SEC24B: variants seen among roughly 807,000 people sequenced by gnomAD.
The protein encoded by SEC24B is SEC24 homolog B, COPII component, also known as protein transport protein Sec24B.
In SEC24B, 45 loss-of-function variants were observed where a neutral mutation model predicts 142.8. That is an observed-to-expected ratio of 0.32 (90% CI 0.25 to 0.40). The LOEUF (loss-of-function observed/expected upper bound fraction) is 0.40, where lower values mean the gene tolerates loss of function less well. Ranked by LOEUF, SEC24B falls within the 10% of genes least tolerant of loss-of-function variation. SEC24B has a pLI of 1.00. For missense variants in SEC24B, 1,409 were observed against 1,526.8 expected (o/e 0.92, Z 1.29); for synonymous variants, 574 against 568.2 (o/e 1.01, Z -0.15).
At position 109,462,963 on chromosome 4, in the gene SEC24B, G is replaced by A; in HGVS notation, c.196G>A (p.Ala66Thr). The A allele has an allele frequency of 4.3e-6, 7 of 1,613,442 alleles. No individual in the cohort carries two copies. The highest frequency in any genetic ancestry group is 5.9e-6 in the Non-Finnish European group (7 of 1,180,012). Residue 66 changes from alanine (A) to threonine (T), a missense_variant, in exon 2 of 24, where the codon GCT becomes ACT. Ala to Thr is a moderately conservative substitution (Grantham distance 58). This residue lies in a region of SEC24B where 709 missense variants were observed against 673.5 expected (regional missense o/e 1.05). Coordinates refer to ENST00000265175, the MANE Select transcript of SEC24B (RefSeq NM_006323.5). The stretch of plus-strand genomic sequence containing the variant: ...TGGATTGCATCATCAAAACTATATT[G>A]CTCCCTCAGGACATTACTCTCAAGG... The part of the protein sequence containing the change: ...GYGLHHQNYI[A>T]PSGHYSQGPG...
At chr4:109,530,895 C>CAAAAAAAAAAA (rs35997146) in intron 19 of SEC24B, among the ~76,000 whole-genome samples, 14 of 46,332 alleles carry the variant, frequency 3.0e-4, no homozygotes, top group Admixed American at 5.6e-4. Flanking sequence ...GACTCCGTCT[C>CAAAAAAAAAAA]AAAAAAAAAA....
chr4:109,483,008 T>TCACACACACACACAC, intron 4 of SEC24B, among the ~76,000 whole-genome samples: 1 of 82,894 alleles, frequency 1.2e-5, no homozygotes, highest in Non-Finnish European at 2.3e-5. Flanking sequence ...ACACACATAT[T>TCACACACACACACAC]ATACATATGT....
chr4:109,470,056 A>T (rs1430686612), intron 2 of SEC24B, among the ~76,000 whole-genome samples: 1 of 152,252 alleles, frequency 6.6e-6, no homozygotes, highest in African/African-American at 2.4e-5. Flanking sequence ...ATATCATCTT[A>T]TACCTACTAA....
intron 1 of SEC24B, among the ~76,000 whole-genome samples, chr4:109,434,406 G>A (rs895869223): frequency 6.6e-6 from 1 of 152,208 alleles, no homozygotes; most frequent in African/African-American, 2.4e-5. Flanking sequence ...GGCTGCGAGA[G>A]CTGGCCAGAA....
chr4:109,490,851 A>C (rs1055837449), intron 4 of SEC24B, among the ~76,000 whole-genome samples: 2 of 152,160 alleles, frequency 1.3e-5, no homozygotes, highest in African/African-American at 4.8e-5. Context: ...GCCAGATAGC[A>C]ACCTAAGCCA....
chr4:109,527,454 A>G (rs768805661), intron 18 of SEC24B, 22 bp downstream of exon 18: 18 of 1,495,686 alleles, frequency 1.2e-5, no homozygotes, highest in Non-Finnish European at 1.5e-5. Context: ...TTGAAGGAAC[A>G]TGTGAAATGT....
intron 20 of SEC24B, 69 bp downstream of exon 20, chr4:109,531,591 A>G (rs1341028644): frequency 3.4e-6 from 4 of 1,176,348 alleles, no homozygotes; most frequent in Non-Finnish European, 5.0e-6. Context: ...TACAGCTAAG[A>G]TGATAATATA....
At chr4:109,521,234 A>AT (rs1554009233) in intron 13 of SEC24B, 62 bp downstream of exon 13, 6 of 1,125,150 alleles carry the variant, frequency 5.3e-6, no homozygotes, top group Non-Finnish European at 7.8e-6. Context: ...TAACTAAAAT[A>AT]TTTAACATTT....
intron 1 of SEC24B, among the ~76,000 whole-genome samples, chr4:109,454,538 C>CA (rs540899392): frequency 2.2e-3 from 275 of 125,724 alleles, no homozygotes; most frequent in Non-Finnish European, 2.5e-3. Flanking sequence ...ATTCTGTCTC[C>CA]AAAAAAAAAA....
At chr4:109,535,181 T>C (rs982538717) in intron 22 of SEC24B, among the ~76,000 whole-genome samples, 1 of 152,206 alleles carries the variant, frequency 6.6e-6, no homozygotes, top group Non-Finnish European at 1.5e-5. Context: ...GTAGAATTAC[T>C]GGGTCACATG....
At chr4:109,472,558 T>TCAGAGAC (rs1732634744) in intron 2 of SEC24B, among the ~76,000 whole-genome samples, 1 of 152,112 alleles carries the variant, frequency 6.6e-6, no homozygotes, top group South Asian at 2.1e-4. Flanking sequence ...TTTATGGAAT[T>TCAGAGAC]CAGAGACCAC....
At chr4:109,530,907 A>G (rs1317222949) in intron 19 of SEC24B, among the ~76,000 whole-genome samples, 1 of 150,572 alleles carries the variant, frequency 6.6e-6, no homozygotes, top group Non-Finnish European at 1.5e-5. Flanking sequence ...AAAAAAAAAA[A>G]AAAAAAAAAA....
intron 3 of SEC24B, among the ~76,000 whole-genome samples, chr4:109,480,372 C>G (rs1256819640): frequency 6.6e-6 from 1 of 151,998 alleles, no homozygotes; most frequent in East Asian, 1.9e-4. Flanking sequence ...TTAAAAATCC[C>G]CACTATGTTT....
In SEC24B at chr4:109,539,575, C is replaced by G. The variant is rs1406581382; in HGVS notation, c.3707C>G (p.Ala1236Gly). 2 of 1,612,626 alleles carry G rather than the reference C, an allele frequency of 1.2e-6. No homozygotes were observed. The highest frequency in any genetic ancestry group is 2.2e-5 in the South Asian group (2 of 90,940). ...ILHIVKDESP[A>G]KAEFFQHLIE... The stretch of plus-strand genomic sequence containing the variant: ...CTTTCTTCCAGAGATGAGAGTCCTG[C>G]CAAAGCAGAATTTTTTCAGCATTTG... Residue 1236 changes from alanine (A) to glycine (G), a missense_variant, in exon 24 of 24, where the codon GCC (alanine) becomes GGC (glycine). Physicochemically the swap from Ala to Gly is moderately conservative, Grantham distance 60. Coordinates refer to ENST00000265175, the MANE Select transcript of SEC24B (RefSeq NM_006323.5).
At position 109,526,303 on chromosome 4, in the gene SEC24B, G is replaced by A; in HGVS notation, c.2869G>A (p.Asp957Asn). Residue 957 changes from aspartate (D) to asparagine (N), a missense_variant, in exon 17 of 24, where the codon GAT (aspartate) becomes AAT (asparagine). This residue lies in a region of SEC24B where 700 missense variants were observed against 853.3 expected (regional missense o/e 0.82). Coordinates refer to ENST00000265175, the MANE Select transcript of SEC24B (RefSeq NM_006323.5). Reference sequence around the variant, plus strand: ...GTTATCCCTTGCCAACATCAATCCTGATGCTGGATTTGCGGTGCAGTTGTC... The same window carrying A: ...GTTATCCCTTGCCAACATCAATCCTAATGCTGGATTTGCGGTGCAGTTGTC... ...DLLSLANINPDAGFAVQLSIE... is the reference protein window; with the variant it reads ...DLLSLANINPNAGFAVQLSIE... 1 of 1,613,988 alleles carries A rather than the reference G, an allele frequency of 6.2e-7. No homozygotes were observed. Among genetic ancestry groups the A allele is most frequent in the Non-Finnish European group, 8.5e-7 (1 of 1,179,956 alleles).
chr4:109,489,788 T>G (rs970947322), intron 4 of SEC24B, among the ~76,000 whole-genome samples: 2 of 151,662 alleles, frequency 1.3e-5, no homozygotes, highest in Non-Finnish European at 2.9e-5. Context: ...TTTTTATGGC[T>G]AAATAATATC....
At position 109,500,391 on chromosome 4, in the gene SEC24B, A is replaced by G. The variant is rs113166007; in HGVS notation, c.1488+5535A>G. Among the ~76,000 whole-genome samples the G allele has an allele frequency of 5.5e-3, 832 of 151,998 alleles. 6 individuals are homozygous for G. The highest frequency in any genetic ancestry group is 0.02 in the African/African-American group (810 of 41,472). ...AAACCCTGTCTCTACTAAAAATACA[A>G]AAATTACCTGGGCATTGTGGCGAGT... On this transcript the variant is annotated intron_variant, in intron 6 of 23. Coordinates refer to ENST00000265175, the MANE Select transcript of SEC24B (RefSeq NM_006323.5).
At chr4:109,493,529 T>C (rs560224801) in intron 5 of SEC24B, among the ~76,000 whole-genome samples, 29 of 152,350 alleles carry the variant, frequency 1.9e-4, no homozygotes, top group African/African-American at 7.0e-4. Flanking sequence ...CACTTTCTGT[T>C]TTAAATTTAA....
At chr4:109,510,155 C>T (rs567376294) in intron 8 of SEC24B, 44 bp downstream of exon 8, 11 of 1,005,318 alleles carry the variant, frequency 1.1e-5, no homozygotes, top group Non-Finnish European at 1.6e-5. Flanking sequence ...GACATGTATG[C>T]TTATGTACAA....
Sources: allele counts gnomAD v4.1 joint callset (sites outside exome capture counted in the v4.1 genomes callset), GRCh38; gene constraint gnomAD v4.1.1; regional missense constraint gnomAD v4.1.1; transcripts MANE v1.5; gene names NCBI Gene and HGNC (gene_info 2026-07-23, HGNC 2026-07-21).